The following PRKDC variants were observed in gnomAD, a reference collection of about 807,000 sequenced individuals.
PRKDC encodes the protein protein kinase, DNA-activated, catalytic subunit.
PRKDC carries 82 observed loss-of-function variants against 486.9 expected under a neutral mutation model. The observed-to-expected ratio is 0.17, with a 90% CI of 0.14 to 0.20. PRKDC has a LOEUF of 0.20. PRKDC is among the 10% of genes least tolerant of loss of function. The pLI is 1.00. For synonymous variants in PRKDC, 1,895 were observed against 1,837.0 expected (o/e 1.03, Z -0.81); for missense variants, 4,504 against 5,038.2 (o/e 0.89, Z 3.21).
Position 47,847,040 on chromosome 8 carries a change from T to A in PRKDC, c.7280+2114A>T, listed in dbSNP as rs553834437. On this transcript the variant is annotated intron_variant, in intron 54 of 85. Transcript: ENST00000314191. ...TAAATGAAAAAACGGATTAGAAGAA[T>A]CAATATTGTTAGAATAGCCATTCTG... Among the ~76,000 whole-genome samples, 8 of 152,274 alleles carry A rather than the reference T, an allele frequency of 5.3e-5. No individual in the cohort carries two copies. In the South Asian group the frequency reaches 1.0e-3, roughly 20 times the overall value.
intron 7 of PRKDC, among the ~76,000 whole-genome samples, chr8:47,947,154 G>A (rs539387519): frequency 5.2e-4 from 79 of 152,270 alleles, no homozygotes; most frequent in African/African-American, 1.1e-3. Context: ...GAGACTGGCC[G>A]AGCATGGGGC....
intron 19 of PRKDC, 79 bp downstream of exon 19, chr8:47,929,013 T>C: frequency 8.9e-7 from 1 of 1,128,366 alleles, no homozygotes; most frequent in South Asian, 1.4e-5. Context: ...TAATTATTTA[T>C]GATCACTAGG....
intron 69 of PRKDC, among the ~76,000 whole-genome samples, chr8:47,804,208 T>C (rs546929152): frequency 1.3e-5 from 2 of 152,192 alleles, no homozygotes; most frequent in Admixed American, 6.5e-5. Context: ...CTTAGCATGA[T>C]GTTTTCTAGG....
Position 47,778,675 on chromosome 8 carries a change from C to A in PRKDC, c.11652-15G>T. 6.2e-7 allele frequency: 1 copy of A among 1,613,414 alleles called. No homozygotes were observed. The highest frequency in any genetic ancestry group is 8.5e-7 in the Non-Finnish European group (1 of 1,179,588). On this transcript the variant is annotated splice_polypyrimidine_tract_variant and intron_variant, in intron 82 of 85. Transcript: ENST00000314191. The stretch of plus-strand genomic sequence containing the variant: ...CGAAGGCCCGCCTACAAAAGAGACA[C>A]AGCTGTGCGGCTGCTGTGATCCCAC...
At chr8:47,872,501 T>TAAAAA (rs748681244) in intron 40 of PRKDC, among the ~76,000 whole-genome samples, 2 of 74,140 alleles carry the variant, frequency 2.7e-5, no homozygotes, top group African/African-American at 8.2e-5. Context: ...TATAAAAAAG[T>TAAAAA]AAAAAAAAAA....
rs138467654 is a variant in PRKDC, at chr8:47,845,520, G to A, written c.7280+3634C>T. Among the ~76,000 whole-genome samples, 743 of 152,020 alleles carry A rather than the reference G, an allele frequency of 4.9e-3. 8 individuals carry two copies. The highest frequency in any genetic ancestry group is 0.017 in the African/African-American group (701 of 41,474). On this transcript the variant is annotated intron_variant, in intron 54 of 85. Transcript: ENST00000314191. ...TCAGAGACTATTGTGAACACTCTAC[G>A]TAAGCAAATTAGGAAACCTAGAGGA...
intron 35 of PRKDC, among the ~76,000 whole-genome samples, chr8:47,887,270 C>G (rs1441389378): frequency 6.6e-6 from 1 of 152,140 alleles, no homozygotes. Context: ...CAACATGACT[C>G]AGCTTCATAG....
chr8:47,858,464 A>G, intron 48 of PRKDC, 52 bp downstream of exon 48: 2 of 1,379,796 alleles, frequency 1.4e-6, no homozygotes, highest in Non-Finnish European at 1.9e-6. Context: ...AGAATTGAAT[A>G]AACAGACTTA....
chr8:47,787,053 TTA>T (rs756973018), intron 76 of PRKDC, among the ~76,000 whole-genome samples: 183 of 152,274 alleles, frequency 1.2e-3, no homozygotes, highest in Non-Finnish European at 2.4e-3. Flanking sequence ...AAAGCAATTA[TTA>T]TAAGTACTCT....
At chr8:47,801,055 C>G in intron 70 of PRKDC, 69 bp from the exon 71 acceptor site, 2 of 1,420,146 alleles carry the variant, frequency 1.4e-6, no homozygotes, top group Non-Finnish European at 1.9e-6. Context: ...AGAAGAAATT[C>G]ATTGTCTATA....
intron 80 of PRKDC, among the ~76,000 whole-genome samples, chr8:47,780,632 G>T (rs2086683428): frequency 6.6e-6 from 1 of 152,168 alleles, no homozygotes; most frequent in Non-Finnish European, 1.5e-5. Flanking sequence ...AAACTGAGAT[G>T]AAAATTCTTA....
intron 25 of PRKDC, among the ~76,000 whole-genome samples, chr8:47,906,550 C>T (rs2089785680): frequency 6.6e-6 from 1 of 150,958 alleles, no homozygotes; most frequent in South Asian, 2.1e-4. Flanking sequence ...AGGAAAATCG[C>T]TTGAACTGGG....
At chr8:47,921,661 T>TAAGG (rs1563804639) in intron 21 of PRKDC, among the ~76,000 whole-genome samples, 1 of 152,216 alleles carries the variant, frequency 6.6e-6, no homozygotes. Context: ...TGCTGGTGTG[T>TAAGG]AAGGCAATTC....
Position 47,849,384 on chromosome 8 carries a change from T to G in PRKDC, c.7125A>C (p.Ala2375=). Reference sequence around the variant, plus strand: ...GATCCCTGGACAGCCCATACCTGTCTGCAAGAGGAGGGAAGCTCTTGGTCA... The same window carrying G: ...GATCCCTGGACAGCCCATACCTGTCGGCAAGAGGAGGGAAGCTCTTGGTCA... The part of the protein sequence containing the change: ...NKVTKSFPPL[A]DRFMNAVFFL... The change falls in exon 53 of 86, where the codon GCA becomes GCC. Residue 2375 remains alanine, a synonymous_variant. Transcript: ENST00000314191. The G allele has an allele frequency of 6.2e-7, 1 of 1,613,998 alleles. No individual in the cohort carries two copies. The highest frequency in any genetic ancestry group is 8.5e-7 in the Non-Finnish European group (1 of 1,179,892).
At chr8:47,954,025 T>C (rs970566773) in intron 5 of PRKDC, 106 bp from the exon 6 acceptor site, 60 of 653,174 alleles carry the variant, frequency 9.2e-5, no homozygotes, top group Non-Finnish European at 2.2e-5. Flanking sequence ...TCAAAATTGA[T>C]TTTACAGTAA....
chr8:47,955,915 CTCTA>C lies in PRKDC; in HGVS notation c.354_357del (p.Asp118GlufsTer44), dbSNP rs752750740. 6.2e-7 allele frequency: 1 copy of C among 1,606,006 alleles called. No homozygotes were observed. The highest frequency in any genetic ancestry group is 8.5e-7 in the Non-Finnish European group (1 of 1,174,520). On this transcript the variant is annotated frameshift_variant, in exon 4 of 86. Transcript: ENST00000314191. LOFTEE classifies it high-confidence loss of function. ...AGGGCTGGAATTTTACATTTAGCAG[CTCTA>C]TCTTTTGTATAAACACTGGTACAAG... is the stretch of plus-strand genomic sequence containing the variant.
At chr8:47,918,950 C>T (rs1382482951) in intron 21 of PRKDC, among the ~76,000 whole-genome samples, 5 of 151,712 alleles carry the variant, frequency 3.3e-5, no homozygotes, top group African/African-American at 9.7e-5. Context: ...TGAAGTACCC[C>T]GAATAAATTC....
intron 46 of PRKDC, among the ~76,000 whole-genome samples, chr8:47,859,386 T>C (rs2088621232): frequency 6.6e-6 from 1 of 152,194 alleles, no homozygotes; most frequent in African/African-American, 2.4e-5. Context: ...GCATCTTTGC[T>C]ATGTTGACCT....
intron 68 of PRKDC, among the ~76,000 whole-genome samples, chr8:47,812,844 G>GA (rs1026430474): frequency 2.0e-5 from 3 of 151,912 alleles, no homozygotes; most frequent in Non-Finnish European, 4.4e-5. Flanking sequence ...TTACCCAGAT[G>GA]AATCAAGTGT....
Sources: allele counts gnomAD v4.1 joint callset (sites outside exome capture counted in the v4.1 genomes callset), GRCh38; gene constraint gnomAD v4.1.1; transcripts MANE v1.5; gene names NCBI Gene and HGNC (gene_info 2026-07-23, HGNC 2026-07-21).